ABR: variants seen among roughly 807,000 people sequenced by gnomAD.
ABR encodes the protein active breakpoint cluster region-related protein.
ABR carries 35 observed loss-of-function variants against 107.2 expected under a neutral mutation model. That is an observed-to-expected ratio of 0.33 (90% CI 0.25 to 0.43). The LOEUF (loss-of-function observed/expected upper bound fraction) is 0.43. Among genes scored for constraint, ABR ranks in the 20% least tolerant of loss-of-function variants. The pLI, the probability that ABR is intolerant of heterozygous loss-of-function variation, is 1.00. For synonymous variants in ABR, 498 were observed against 462.0 expected (o/e 1.08, Z -1.00); for missense variants, 815 against 1,115.2 (o/e 0.73, Z 3.83).
intron 14 of ABR, among the ~76,000 whole-genome samples, chr17:1,052,105 G>A (rs534086419): frequency 6.6e-6 from 1 of 151,528 alleles, no homozygotes; most frequent in South Asian, 2.1e-4. Context: ...CAGCTTTCCT[G>A]CAGAAAGGAC....
rs955060010 is a variant in ABR at position 1,210,277 on chromosome 17, G to A, written c.838+18516C>T. On this transcript the variant is annotated intron_variant, in intron 1 of 22. Coordinates refer to the ABR transcript ENST00000574139. The surrounding 1 kb of genome is among the most constrained non-coding windows in gnomAD (Gnocchi z 5.6). The stretch of plus-strand genomic sequence containing the variant: ...TGTAATCCCAACTCTTTGGGAGGCC[G>A]AGGTGGGTGAATCACCTGAGGTCAA... Among the ~76,000 whole-genome samples the A allele has an allele frequency of 5.3e-5, 8 of 152,190 alleles. No individual in the cohort carries two copies. Among genetic ancestry groups the A allele is most frequent in the African/African-American group, 1.7e-4 (7 of 41,442 alleles).
chr17:1,090,445 C>T lies in ABR; in HGVS notation c.531+1220G>A, dbSNP rs186440720. ...GAGGCAGGAGCCACACAGGAGGATA[C>T]GCAGCTGTCCAGGTGAGGGCCATGG... On this transcript the variant is annotated intron_variant, in intron 4 of 22. Transcript: ENST00000302538. Among the ~76,000 whole-genome samples the T allele has an allele frequency of 2.5e-4, 38 of 152,174 alleles. No individual in the cohort carries two copies. In the East Asian group the frequency reaches 3.9e-3, roughly 16 times the overall value.
intron 1 of ABR, among the ~76,000 whole-genome samples, chr17:1,213,038 ACAAT>A (rs1454541710): frequency 5.9e-5 from 9 of 152,216 alleles, no homozygotes; most frequent in Non-Finnish European, 1.0e-4. Context: ...GGAGCTGCAG[ACAAT>A]CAGAGTCAAC....
Position 1,194,576 on chromosome 17 carries a change from C to T in ABR, c.838+34217G>A, listed in dbSNP as rs1162528462. Among the ~76,000 whole-genome samples, 3 of 129,014 alleles carry T rather than the reference C, an allele frequency of 2.3e-5. 1 individual carries two copies. The highest frequency in any genetic ancestry group is 7.9e-5 in the African/African-American group (3 of 37,944). 84.6% of individuals were successfully genotyped at this position (129,014 alleles called of 152,430 possible). A position where few individuals can be genotyped will look rare whatever the true frequency, so the allele number is the denominator to read the frequency against. On this transcript the variant is annotated intron_variant, in intron 1 of 22. Coordinates refer to the ABR transcript ENST00000574139. ...GTGCAATCATAGCTCACTACAGTCT[C>T]GACCTCCCAGGCTCAAGCCATCCCC...
chr17:1,014,324 C>G, intron 16 of ABR, among the ~76,000 whole-genome samples: 1 of 130,918 alleles, frequency 7.6e-6, no homozygotes, highest in Non-Finnish European at 1.6e-5. Flanking sequence ...GCCTGTAGTC[C>G]CAGCTACTTG....
intron 4 of ABR, among the ~76,000 whole-genome samples, chr17:1,088,211 G>A (rs1165685955): frequency 6.6e-6 from 1 of 152,086 alleles, no homozygotes; most frequent in African/African-American, 2.4e-5. Context: ...CAGAACCGGG[G>A]ACAGCCAGGT....
chr17:1,083,159 A>G (rs1165499568), intron 5 of ABR: 1 of 148,698 alleles, frequency 6.7e-6, no homozygotes, highest in Non-Finnish European at 1.5e-5. Flanking sequence ...TTATCTGGCC[A>G]TTTCTAAACC....
chr17:1,012,626 C>T (rs1555530181), intron 18 of ABR, 62 bp downstream of exon 18: 4 of 1,285,476 alleles, frequency 3.1e-6, no homozygotes, highest in Non-Finnish European at 4.4e-6. Context: ...GGCTGGGGGG[C>T]CCGGGCTGGG....
intron 1 of ABR, among the ~76,000 whole-genome samples, chr17:1,223,743 C>T (rs2043163701): frequency 6.6e-6 from 1 of 152,152 alleles, no homozygotes. Flanking sequence ...AAAGGAAAAG[C>T]AACCACCTTC....
rs1296428310 is a variant in ABR, at chr17:1,179,386, C to T, written c.61+281G>A. 1.3e-5 allele frequency among the ~76,000 whole-genome samples: 2 copies of T among 152,076 alleles called. No homozygotes were observed. Among genetic ancestry groups the T allele is most frequent in the Non-Finnish European group, 2.9e-5 (2 of 67,972 alleles). ...GGGGGGACGCAGCTCTCGGCTCGGT[C>T]CGCCCACGGTCCCCGCCCCCGGACC... On this transcript the variant is annotated intron_variant, in intron 1 of 22. Transcript: ENST00000302538. This position sits in a 1 kb window ranked among gnomAD's most constrained non-coding sequence, Gnocchi z 4.9.
At chr17:1,061,719 G>T (rs1477053066) in intron 10 of ABR, among the ~76,000 whole-genome samples, 4 of 152,002 alleles carry the variant, frequency 2.6e-5, no homozygotes, top group Non-Finnish European at 5.9e-5. Flanking sequence ...GCTAACTTTT[G>T]TATTTTTCAT....
In ABR at chr17:1,150,838, C is replaced by T. The variant is rs1023017724; in HGVS notation, c.62-25471G>A. On this transcript the variant is annotated intron_variant, in intron 1 of 22. Transcript: ENST00000302538. The surrounding 1 kb of genome is among the most constrained non-coding windows in gnomAD (Gnocchi z 4.8). ...AAACCCAGCCATCAACACACAGAGG[C>T]CCACGAGCCCATTCCTGAGCCTCCC... Among the ~76,000 whole-genome samples, 1 of 152,204 alleles carries T rather than the reference C, an allele frequency of 6.6e-6. No homozygotes were observed. Among genetic ancestry groups the T allele is most frequent in the African/African-American group, 2.4e-5 (1 of 41,452 alleles).
At position 1,051,650 on chromosome 17, in the gene ABR, G is replaced by A. The variant is rs111237472; in HGVS notation, c.1562-1016C>T. 9.4e-3 allele frequency among the ~76,000 whole-genome samples: 1,436 copies of A among 152,328 alleles called. 22 individuals are homozygous for A. Among genetic ancestry groups the A allele is most frequent in the African/African-American group, 0.032 (1,349 of 41,564 alleles). On this transcript the variant is annotated intron_variant, in intron 14 of 22. Transcript: ENST00000302538. This position sits in a 1 kb window ranked among gnomAD's most constrained non-coding sequence, Gnocchi z 4.3. ...GGGTACCAGAGGTGGTGTGGGAGGT[G>A]CCTTTGGGACACTATGGCCAACCCT...
chr17:1,182,542 A>G (rs2042168809), upstream of ABR, among the ~76,000 whole-genome samples: 1 of 151,922 alleles, frequency 6.6e-6, no homozygotes, highest in African/African-American at 2.4e-5. Flanking sequence ...TAATTTTTGT[A>G]TTTTTAGTAG....
intron 1 of ABR, among the ~76,000 whole-genome samples, chr17:1,204,317 C>T (rs1279688979): frequency 3.3e-5 from 5 of 152,146 alleles, no homozygotes; most frequent in Admixed American, 6.5e-5. Context: ...TGGTGGTGCG[C>T]GCCTGTAATC....
In ABR at chr17:1,011,279, C is replaced by T. The variant is rs1293653462; in HGVS notation, c.2102-416G>A. On this transcript the variant is annotated intron_variant, in intron 19 of 22. Transcript: ENST00000302538. This position sits in a 1 kb window ranked among gnomAD's most constrained non-coding sequence, Gnocchi z 4.8. ...CTTCTAGGCTGCACAGAGGCACCAA[C>T]GCCGGCCAGTTCCCAGGCCCCACCC... 3 of 189,508 alleles carry T rather than the reference C, an allele frequency of 1.6e-5. No individual in the cohort carries two copies. Among genetic ancestry groups the T allele is most frequent in the Non-Finnish European group, 3.3e-5 (3 of 90,732 alleles). 11.7% of individuals were successfully genotyped at this position (189,508 alleles called of 1,614,324 possible).
intron 1 of ABR, among the ~76,000 whole-genome samples, chr17:1,139,300 G>T (rs538245501): frequency 1.3e-3 from 199 of 152,290 alleles, no homozygotes; most frequent in African/African-American, 4.4e-3. Flanking sequence ...CGCCCAGGCT[G>T]GAGTGCAGTG....
intron 16 of ABR, among the ~76,000 whole-genome samples, chr17:1,047,876 G>C (rs554308961): frequency 6.6e-6 from 1 of 152,220 alleles, no homozygotes; most frequent in Admixed American, 6.5e-5. Flanking sequence ...GTGGGGGAAT[G>C]TGCCCTCGGG....
At chr17:1,198,677 C>T (rs1259712571) in intron 1 of ABR, among the ~76,000 whole-genome samples, 2 of 150,674 alleles carry the variant, frequency 1.3e-5, no homozygotes, top group Non-Finnish European at 1.5e-5. Context: ...GCTCTGTTGC[C>T]CAGGCTGGAG....
Sources: allele counts gnomAD v4.1 joint callset (sites outside exome capture counted in the v4.1 genomes callset), GRCh38; gene constraint gnomAD v4.1.1; non-coding constraint Gnocchi (gnomAD v3.1); transcripts MANE v1.5; gene names NCBI Gene and HGNC (gene_info 2026-07-23, HGNC 2026-07-21).